RIN2: variants seen among roughly 807,000 people sequenced by gnomAD.
RIN2 encodes Ras and Rab interactor 2.
RIN2 carries 36 observed loss-of-function variants against 78.0 expected under a neutral mutation model. The observed-to-expected ratio is 0.46, with a 90% confidence interval of 0.35 to 0.61. RIN2 has a LOEUF of 0.61. RIN2 is among the 20% of genes least tolerant of loss of function. The pLI, the probability that RIN2 is intolerant of heterozygous loss-of-function variation, is 0.00. For missense variants in RIN2, 1,087 were observed against 1,159.7 expected (o/e 0.94, Z 0.91); for synonymous variants, 466 against 466.8 (o/e 1.00, Z 0.02).
chr20:19,963,488 A>G (rs527922001), intron 6 of RIN2, among the ~76,000 whole-genome samples: 129 of 152,000 alleles, frequency 8.5e-4, no homozygotes, highest in African/African-American at 3.1e-3. Context: ...ACATGCCTGT[A>G]ATCCCAGCTA....
intron 4 of RIN2, among the ~76,000 whole-genome samples, chr20:19,937,792 G>T (rs1268197114): frequency 6.6e-6 from 1 of 152,228 alleles, no homozygotes; most frequent in South Asian, 2.1e-4. Context: ...ACATGTGACA[G>T]ATAGGCATAA....
At chr20:19,855,004 A>G (rs1408542069) in intron 2 of RIN2, among the ~76,000 whole-genome samples, 1 of 152,096 alleles carries the variant, frequency 6.6e-6, no homozygotes, top group Non-Finnish European at 1.5e-5. Context: ...TCAGTATGAT[A>G]TTGGCTGTGG....
chr20:19,986,663 C>G (rs34616669), intron 9 of RIN2, among the ~76,000 whole-genome samples: 45,494 of 151,990 alleles, frequency 0.3, 7,611 homozygotes, highest in East Asian at 0.71. Flanking sequence ...GAAGCAGCTG[C>G]GAGCCTTTTG....
chr20:19,774,558 G>A (rs2034245794), intron 1 of RIN2, among the ~76,000 whole-genome samples: 1 of 152,236 alleles, frequency 6.6e-6, no homozygotes, highest in Non-Finnish European at 1.5e-5. Flanking sequence ...AATTGAAAAT[G>A]CCTTGAGAAA....
At chr20:19,811,042 A>C (rs2035583405) in intron 2 of RIN2, among the ~76,000 whole-genome samples, 2 of 113,438 alleles carry the variant, frequency 1.8e-5, no homozygotes, top group African/African-American at 1.4e-4. Flanking sequence ...CGATTGTTTA[A>C]TATAAAAAAA....
intron 3 of RIN2, among the ~76,000 whole-genome samples, chr20:19,895,463 G>C (rs2038679425): frequency 6.6e-6 from 1 of 152,140 alleles, no homozygotes; most frequent in African/African-American, 2.4e-5. Context: ...CTAAGTGGCT[G>C]CCTTCTAACC....
At chr20:19,946,076 G>A (rs1274966008) in intron 4 of RIN2, among the ~76,000 whole-genome samples, 3 of 152,204 alleles carry the variant, frequency 2.0e-5, no homozygotes, top group South Asian at 2.1e-4. Flanking sequence ...AAACCTTGCT[G>A]TCTGCAGATC....
At chr20:19,938,307 C>A (rs1046741035) in intron 4 of RIN2, among the ~76,000 whole-genome samples, 3 of 152,316 alleles carry the variant, frequency 2.0e-5, no homozygotes, top group Admixed American at 2.0e-4. Context: ...CAGCCTTGAC[C>A]TCCTGGGCTC....
rs538407985 is a variant in RIN2 at position 19,829,105 on chromosome 20, G to C, written c.-37+29358G>C. Among the ~76,000 whole-genome samples the C allele has an allele frequency of 3.9e-4, 59 of 152,288 alleles. 1 individual carries two copies. The highest frequency in any genetic ancestry group is 1.4e-3 in the African/African-American group (58 of 41,564). Reference sequence around the variant, plus strand: ...GAAATAGTAGGCTCATGAATGCTAAGAGGCTACTGAAATTGCCACCTATAT... The same window carrying C: ...GAAATAGTAGGCTCATGAATGCTAACAGGCTACTGAAATTGCCACCTATAT... On this transcript the variant is annotated intron_variant, in intron 2 of 12. Transcript: ENST00000255006.
chr20:19,786,190 G>A (rs2034672205), intron 1 of RIN2, among the ~76,000 whole-genome samples: 1 of 152,182 alleles, frequency 6.6e-6, no homozygotes, highest in Non-Finnish European at 1.5e-5. Flanking sequence ...GAGTGGGTTT[G>A]TGTCTCACTT....
At position 19,844,589 on chromosome 20, in the gene RIN2, TGCTGCTTCTTCC is replaced by T. The variant is rs1391981127; in HGVS notation, c.-37+44843_-37+44854del. Among the ~76,000 whole-genome samples the T allele has an allele frequency of 8.1e-4, 112 of 138,934 alleles. 2 individuals are homozygous for T. The highest frequency in any genetic ancestry group is 2.7e-3 in the African/African-American group (103 of 37,556). The allele number at this position is 138,934 out of a possible 152,430, so 91.1% of individuals were successfully genotyped here. Reference sequence around the variant, plus strand: ...CCAACTAGAGAGCTGCTGCTGCTGCTGCTGCTTCTTCCTCTTCTTCTTCTTCTTCTTCTTCTT... The same window carrying T: ...CCAACTAGAGAGCTGCTGCTGCTGCTTCTTCTTCTTCTTCTTCTTCTTCTT... On this transcript the variant is annotated intron_variant, in intron 2 of 12. Coordinates refer to ENST00000255006, the MANE Select transcript of RIN2 (RefSeq NM_018993.4).
chr20:19,821,575 C>A (rs1397884497), intron 2 of RIN2, among the ~76,000 whole-genome samples: 3 of 152,136 alleles, frequency 2.0e-5, no homozygotes, highest in African/African-American at 7.2e-5. Flanking sequence ...ACACTTGAGC[C>A]TCCAGCAATA....
At chr20:19,798,764 G>A (rs2035149558) in intron 1 of RIN2, among the ~76,000 whole-genome samples, 1 of 152,096 alleles carries the variant, frequency 6.6e-6, no homozygotes. Flanking sequence ...TAATGGTGAT[G>A]GTCAAAGGGA....
At chr20:19,951,774 T>C (rs73901339) in intron 4 of RIN2, among the ~76,000 whole-genome samples, 1,661 of 152,296 alleles carry the variant, frequency 0.011, 28 homozygotes, top group African/African-American at 0.038. Context: ...CCAGCTGAGC[T>C]AGGAGAGGAA....
At chr20:19,938,871 T>C (rs73283446) in intron 4 of RIN2, among the ~76,000 whole-genome samples, 2,043 of 152,168 alleles carry the variant, frequency 0.013, 49 homozygotes, top group African/African-American at 0.046. Flanking sequence ...AGTCCAGAGG[T>C]TGGTAACCAA....
intron 7 of RIN2, among the ~76,000 whole-genome samples, chr20:19,970,438 T>G (rs1188825624): frequency 6.6e-6 from 1 of 152,238 alleles, no homozygotes; most frequent in Non-Finnish European, 1.5e-5. Flanking sequence ...CGGTTTAGGA[T>G]TCCACATTCC....
intron 2 of RIN2, among the ~76,000 whole-genome samples, chr20:19,811,594 G>A (rs142258939): frequency 6.6e-6 from 1 of 152,238 alleles, no homozygotes; most frequent in East Asian, 1.9e-4. Flanking sequence ...TTGAGGCAAG[G>A]AACTAATTTG....
At chr20:19,866,500 A>G (rs1174717777) in intron 2 of RIN2, among the ~76,000 whole-genome samples, 1 of 152,190 alleles carries the variant, frequency 6.6e-6, no homozygotes, top group Non-Finnish European at 1.5e-5. Flanking sequence ...ACCTTTTTGT[A>G]TATCTTTAAC....
intron 3 of RIN2, among the ~76,000 whole-genome samples, chr20:19,928,825 G>C (rs536216603): frequency 2.6e-5 from 4 of 152,154 alleles, no homozygotes; most frequent in African/African-American, 7.2e-5. Context: ...GAAGTCCCCA[G>C]CCAGGCCAGC....
Sources: gnomAD v4.1 joint callset for allele counts (sites outside exome capture counted in the v4.1 genomes callset) on GRCh38, gnomAD v4.1.1 for gene constraint, MANE v1.5 for transcripts, NCBI Gene and HGNC (gene_info 2026-07-23, HGNC 2026-07-21) for gene names.